FARS2: variants seen among roughly 807,000 people sequenced by gnomAD.
FARS2 encodes the protein phenylalanyl-tRNA synthetase 2, mitochondrial, also known as phenylalanine--tRNA ligase, mitochondrial.
Under a neutral mutation model 46.4 loss-of-function variants are expected in FARS2, and 40 were observed. The observed-to-expected ratio is 0.86, with a 90% CI of 0.67 to 1.12. FARS2 has a LOEUF of 1.12. FARS2 is among the 50% of genes most tolerant of loss of function. FARS2 has a pLI of 0.00. For missense variants in FARS2, 513 were observed against 567.9 expected (o/e 0.90, Z 0.98); for synonymous variants, 234 against 214.9 (o/e 1.09, Z -0.78).
intron 2 of FARS2, among the ~76,000 whole-genome samples, chr6:5,391,105 G>A (rs1021892284): frequency 6.6e-6 from 1 of 152,196 alleles, no homozygotes; most frequent in Non-Finnish European, 1.5e-5. Context: ...CTCTGTTCAT[G>A]AGTGTTTTAT....
At chr6:5,305,217 G>A (rs533734932) in intron 1 of FARS2, among the ~76,000 whole-genome samples, 3 of 152,168 alleles carry the variant, frequency 2.0e-5, no homozygotes, top group Non-Finnish European at 4.4e-5. Flanking sequence ...TTGTTATCCA[G>A]TTGGATTATA....
At chr6:5,411,558 T>C (rs1271581151) in intron 3 of FARS2, among the ~76,000 whole-genome samples, 1 of 152,238 alleles carries the variant, frequency 6.6e-6, no homozygotes, top group East Asian at 1.9e-4. Flanking sequence ...TATATTTGTT[T>C]TTATGGTCCA....
At chr6:5,405,480 C>CTTTTTTTCTTTTTTTTTTTTT (rs765851968) in intron 3 of FARS2, among the ~76,000 whole-genome samples, 6 of 58,946 alleles carry the variant, frequency 1.0e-4, no homozygotes, top group Non-Finnish European at 1.9e-4. Context: ...GAGCAAGGTT[C>CTTTTTTTCTTTTTTTTTTTTT]TTTTTTTTTT....
intron 2 of FARS2, among the ~76,000 whole-genome samples, chr6:5,399,969 A>T (rs1186018676): frequency 1.3e-5 from 2 of 152,214 alleles, no homozygotes; most frequent in Non-Finnish European, 2.9e-5. Flanking sequence ...GTATATTTTC[A>T]GGGTAAGTAG....
chr6:5,766,067 C>T (rs1214917842), intron 6 of FARS2, among the ~76,000 whole-genome samples: 1 of 152,220 alleles, frequency 6.6e-6, no homozygotes, highest in Non-Finnish European at 1.5e-5. Context: ...TCTTCAAACT[C>T]CTTATAATGG....
At chr6:5,419,395 G>C (rs1007570533) in intron 3 of FARS2, among the ~76,000 whole-genome samples, 1 of 152,204 alleles carries the variant, frequency 6.6e-6, no homozygotes, top group Non-Finnish European at 1.5e-5. Context: ...TCTGCTGGCT[G>C]TATTACTTAG....
At chr6:5,378,537 G>A (rs1759537038) in intron 2 of FARS2, among the ~76,000 whole-genome samples, 1 of 152,182 alleles carries the variant, frequency 6.6e-6, no homozygotes, top group South Asian at 2.1e-4. Context: ...CTTGTAGTGA[G>A]CCCATGGTTG....
At chr6:5,619,522 C>A (rs1338842860) in intron 6 of FARS2, among the ~76,000 whole-genome samples, 1 of 152,210 alleles carries the variant, frequency 6.6e-6, no homozygotes, top group Non-Finnish European at 1.5e-5. Context: ...CCTCCCTCAA[C>A]CCCAGGTCAC....
intron 4 of FARS2, among the ~76,000 whole-genome samples, chr6:5,433,648 G>T (rs1288024872): frequency 6.6e-6 from 1 of 152,222 alleles, no homozygotes; most frequent in Non-Finnish European, 1.5e-5. Flanking sequence ...GAATATGAAA[G>T]ATTTAATCTC....
intron 6 of FARS2, among the ~76,000 whole-genome samples, chr6:5,769,421 G>A (rs898263546): frequency 1.3e-5 from 2 of 152,218 alleles, no homozygotes; most frequent in African/African-American, 2.4e-5. Context: ...GTCTCGCTGC[G>A]TTTTGGTGCC....
At chr6:5,692,729 T>C (rs1757833991) in intron 6 of FARS2, among the ~76,000 whole-genome samples, 1 of 152,250 alleles carries the variant, frequency 6.6e-6, no homozygotes, top group African/African-American at 2.4e-5. Context: ...TGAAAATACA[T>C]GTAATGACGA....
At chr6:5,558,126 T>A (rs1771771873) in intron 5 of FARS2, among the ~76,000 whole-genome samples, 5 of 152,174 alleles carry the variant, frequency 3.3e-5, no homozygotes. Context: ...GTAAGAATAA[T>A]TAGTTAAGAA....
In FARS2 at chr6:5,273,640, GATTGTTTCCTTTGC is replaced by G. The variant is rs1384530196; in HGVS notation, c.-22+11981_-22+11994del. ...TTCTGGGTTGTGTTTTCACTTTGTTGATTGTTTCCTTTGCTTACAGAAGCGTTTTTGCTTGATGT... is the reference window on the plus strand; with the variant it reads ...TTCTGGGTTGTGTTTTCACTTTGTTGTTACAGAAGCGTTTTTGCTTGATGT... On this transcript the variant is annotated intron_variant, in intron 1 of 6. Transcript: ENST00000274680. Among the ~76,000 whole-genome samples, 12 of 152,188 alleles carry G rather than the reference GATTGTTTCCTTTGC, an allele frequency of 7.9e-5. No individual in the cohort carries two copies. In the East Asian group the frequency reaches 2.3e-3, roughly 29 times the overall value.
At chr6:5,531,977 T>G (rs1269237885) in intron 4 of FARS2, among the ~76,000 whole-genome samples, 4 of 152,222 alleles carry the variant, frequency 2.6e-5, no homozygotes, top group Non-Finnish European at 4.4e-5. Flanking sequence ...ATACCACTGC[T>G]AACTACTAGA....
chr6:5,701,602 A>G (rs906301183), intron 6 of FARS2, among the ~76,000 whole-genome samples: 16 of 152,218 alleles, frequency 1.1e-4, no homozygotes, highest in African/African-American at 3.6e-4. Flanking sequence ...TTAAGTGCCA[A>G]TATCAAGGCT....
At chr6:5,656,844 C>T (rs572652060) in intron 6 of FARS2, among the ~76,000 whole-genome samples, 6 of 152,208 alleles carry the variant, frequency 3.9e-5, no homozygotes, top group South Asian at 4.1e-4. Context: ...CCACTGTGTC[C>T]GGCCAACCTT....
Position 5,398,135 on chromosome 6 carries a change from A to T in FARS2, c.613-6407A>T, listed in dbSNP as rs1581986778. On this transcript the variant is annotated intron_variant, in intron 2 of 6. Transcript: ENST00000274680. The stretch of plus-strand genomic sequence containing the variant: ...CCCCTTTGTAGTTAATAGTGTTTGC[A>T]GGAAGATACTTTGAGACTGTGTAAA... Among the ~76,000 whole-genome samples the T allele has an allele frequency of 5.9e-5, 9 of 152,300 alleles. No individual in the cohort carries two copies. In the South Asian group the frequency reaches 1.9e-3, roughly 32 times the overall value.
intron 4 of FARS2, among the ~76,000 whole-genome samples, chr6:5,438,245 C>T (rs1338928165): frequency 4.4e-4 from 5 of 11,250 alleles, no homozygotes; most frequent in African/African-American, 1.0e-3. Flanking sequence ...ACCCACCCCC[C>T]GCCCCCCCCC....
At chr6:5,414,238 TC>T (rs1762092128) in intron 3 of FARS2, among the ~76,000 whole-genome samples, 1 of 152,256 alleles carries the variant, frequency 6.6e-6, no homozygotes, top group Admixed American at 6.5e-5. Flanking sequence ...GCTGAATCTT[TC>T]TGCTTACTCT....
Sources: gnomAD v4.1 joint callset for allele counts (sites outside exome capture counted in the v4.1 genomes callset) on GRCh38, gnomAD v4.1.1 for gene constraint, MANE v1.5 for transcripts, NCBI Gene and HGNC (gene_info 2026-07-23, HGNC 2026-07-21) for gene names.